Variants in ELAPOR2 observed in about 807,000 individuals in gnomAD.
ELAPOR2 encodes the protein endosome/lysosome-associated apoptosis and autophagy regulator family member 2.
In ELAPOR2, 89 loss-of-function variants were observed where a neutral mutation model predicts 120.7. That is an observed-to-expected ratio of 0.74 (90% CI 0.62 to 0.88). The LOEUF is 0.88. ELAPOR2 is among the 40% of genes least tolerant of loss of function. The pLI is 0.00. For missense variants in ELAPOR2, 1,134 were observed against 1,251.6 expected, an observed-to-expected ratio of 0.91 and a Z score of 1.42; for synonymous variants, 444 against 444.9, an observed-to-expected ratio of 1.00 and a Z score of 0.03.
At chr7:86,993,352 C>T (rs1793017263) in intron 1 of ELAPOR2, among the ~76,000 whole-genome samples, 1 of 151,958 alleles carries the variant, frequency 6.6e-6, no homozygotes, top group South Asian at 2.1e-4. Context: ...GCAGTAATCA[C>T]ATACCACACA....
intron 1 of ELAPOR2, among the ~76,000 whole-genome samples, chr7:87,036,128 C>T (rs1584025116): frequency 1.3e-5 from 2 of 152,100 alleles, no homozygotes; most frequent in South Asian, 2.1e-4. Flanking sequence ...CCTAATATTC[C>T]GTCATTCATC....
chr7:87,002,513 AGAGT>A (rs1793350262), intron 1 of ELAPOR2, among the ~76,000 whole-genome samples: 2 of 152,082 alleles, frequency 1.3e-5, no homozygotes. Flanking sequence ...AACTTTTCTT[AGAGT>A]AGGCAAAGGA....
chr7:87,003,156 G>A lies in ELAPOR2; in HGVS notation c.190-38132C>T, dbSNP rs185346250. Among the ~76,000 whole-genome samples the A allele has an allele frequency of 1.3e-3, 192 of 152,182 alleles. 2 individuals carry two copies. Among genetic ancestry groups the A allele is most frequent in the Admixed American group, 0.013 (192 of 15,280 alleles). ...CAAAGAGCATTTCTCTGATAAGGAA[G>A]AAATAAGATGTTAAAATAACCCTGC... is the stretch of plus-strand genomic sequence containing the variant. On this transcript the variant is annotated intron_variant, in intron 1 of 21. Coordinates refer to ENST00000450689, the MANE Select transcript of ELAPOR2 (RefSeq NM_001142749.3).
At chr7:87,017,738 T>C (rs1793916521) in intron 1 of ELAPOR2, among the ~76,000 whole-genome samples, 1 of 151,946 alleles carries the variant, frequency 6.6e-6, no homozygotes. Context: ...CTGGACAACA[T>C]GGCAAGACTT....
At chr7:86,891,696 T>A (rs748813112) in intron 21 of ELAPOR2, 28 bp downstream of exon 21, 4 of 1,591,998 alleles carry the variant, frequency 2.5e-6, no homozygotes, top group Non-Finnish European at 3.4e-6. Context: ...AAACACCCAG[T>A]AACACCAGGT....
chr7:87,052,965 T>G (rs967686907), intron 1 of ELAPOR2, among the ~76,000 whole-genome samples: 1 of 152,028 alleles, frequency 6.6e-6, no homozygotes, highest in Non-Finnish European at 1.5e-5. Context: ...CCCAGCTGAT[T>G]TTTTTATTTT....
At chr7:87,052,894 T>C (rs1795155917) in intron 1 of ELAPOR2, among the ~76,000 whole-genome samples, 1 of 152,162 alleles carries the variant, frequency 6.6e-6, no homozygotes, top group Non-Finnish European at 1.5e-5. Flanking sequence ...CCTCCCAGGT[T>C]CAATCAATTC....
In ELAPOR2 at chr7:86,940,150, T is replaced by C. The variant is rs1790744802; in HGVS notation, c.742-35A>G. On this transcript the variant is annotated intron_variant, in intron 5 of 21. Coordinates refer to ENST00000450689, the MANE Select transcript of ELAPOR2 (RefSeq NM_001142749.3). ...GAAACATAAAGGCACTTAGGGCAGA[T>C]AAGCCATGCCATTTCCAAAAGCTAC... 2.9e-6 allele frequency: 4 copies of C among 1,356,202 alleles called. No homozygotes were observed. In the South Asian group the frequency reaches 4.8e-5, roughly 16 times the overall value. The allele number at this position is 1,356,202 out of a possible 1,614,324, so 84.0% of individuals were successfully genotyped here. A position where few individuals can be genotyped will look rare whatever the true frequency, so the allele number is the denominator to read the frequency against.
At chr7:86,911,024 G>A (rs1789280953) in intron 15 of ELAPOR2, among the ~76,000 whole-genome samples, 1 of 151,850 alleles carries the variant, frequency 6.6e-6, no homozygotes, top group African/African-American at 2.4e-5. Flanking sequence ...AATAGTGGAA[G>A]CTAAAAGGAA....
chr7:86,945,238 A>T (rs1157954198), intron 3 of ELAPOR2, among the ~76,000 whole-genome samples, 192 bp from the exon 4 acceptor site: 3 of 152,194 alleles, frequency 2.0e-5, no homozygotes, highest in Non-Finnish European at 4.4e-5. Flanking sequence ...ATAACTTCGT[A>T]AATCTTTTTA....
intron 1 of ELAPOR2, among the ~76,000 whole-genome samples, chr7:87,048,118 C>A (rs1795006604): frequency 6.6e-6 from 1 of 152,022 alleles, no homozygotes; most frequent in Non-Finnish European, 1.5e-5. Flanking sequence ...GTGGTGAGCA[C>A]CTGTTGTCCC....
intron 8 of ELAPOR2, among the ~76,000 whole-genome samples, chr7:86,928,029 T>C (rs572314698): frequency 5.3e-5 from 8 of 152,064 alleles, no homozygotes; most frequent in African/African-American, 1.7e-4. Context: ...AGTATTCTTA[T>C]GGAAGAGTAG....
chr7:86,933,763 C>A (rs541307206), intron 8 of ELAPOR2, among the ~76,000 whole-genome samples: 1 of 152,026 alleles, frequency 6.6e-6, no homozygotes, highest in African/African-American at 2.4e-5. Context: ...GAGCCATGCT[C>A]CCACTTCTCA....
intron 2 of ELAPOR2, among the ~76,000 whole-genome samples, chr7:86,954,505 G>C (rs1040217922): frequency 6.6e-6 from 1 of 151,970 alleles, no homozygotes; most frequent in Non-Finnish European, 1.5e-5. Flanking sequence ...ACAGTGAACA[G>C]CAATAGTAAG....
chr7:86,990,367 G>A (rs1208796821), intron 1 of ELAPOR2, among the ~76,000 whole-genome samples: 2 of 148,552 alleles, frequency 1.3e-5, no homozygotes, highest in South Asian at 4.2e-4. Flanking sequence ...TGGATTAATG[G>A]GTTATCATGG....
At chr7:86,952,585 C>T (rs1290692057) in intron 2 of ELAPOR2, among the ~76,000 whole-genome samples, 3 of 152,132 alleles carry the variant, frequency 2.0e-5, no homozygotes, top group Non-Finnish European at 4.4e-5. Flanking sequence ...GCAATAACCT[C>T]ATATTTCTTG....
At chr7:86,894,797 A>C (rs936417517) in intron 19 of ELAPOR2, among the ~76,000 whole-genome samples, 4 of 152,064 alleles carry the variant, frequency 2.6e-5, no homozygotes, top group Non-Finnish European at 5.9e-5. Context: ...TTTAAAGATA[A>C]ATTTTAAGAC....
At position 86,941,942 on chromosome 7, in the gene ELAPOR2, G is replaced by A. The variant is rs961461882; in HGVS notation, c.741+76C>T. The stretch of plus-strand genomic sequence containing the variant: ...AACGTTATGAAAGGAAGGGGAAGTT[G>A]GGAAAGAAGAAAAGGTTGGGGAAAA... On this transcript the variant is annotated intron_variant, in intron 5 of 21. Coordinates refer to ENST00000450689, the MANE Select transcript of ELAPOR2 (RefSeq NM_001142749.3). The A allele has an allele frequency of 2.5e-4, 200 of 795,072 alleles. 1 individual carries two copies. Among genetic ancestry groups the A allele is most frequent in the Non-Finnish European group, 2.2e-4 (104 of 475,746 alleles). 49.3% of individuals were successfully genotyped at this position (795,072 alleles called of 1,614,324 possible).
At chr7:86,973,610 G>A (rs1021662569) in intron 1 of ELAPOR2, among the ~76,000 whole-genome samples, 1 of 152,078 alleles carries the variant, frequency 6.6e-6, no homozygotes, top group Non-Finnish European at 1.5e-5. Context: ...ATCCAACTCT[G>A]GTAAGTGTTC....
Sources: gnomAD v4.1 joint callset for allele counts (sites outside exome capture counted in the v4.1 genomes callset) on GRCh38, gnomAD v4.1.1 for gene constraint, MANE v1.5 for transcripts, NCBI Gene and HGNC (gene_info 2026-07-23, HGNC 2026-07-21) for gene names.